MYLK: variants seen among roughly 807,000 people sequenced by gnomAD.
MYLK encodes myosin light chain kinase.
MYLK carries 106 observed loss-of-function variants against 203.4 expected under a neutral mutation model. The observed-to-expected ratio is 0.52, with a 90% confidence interval of 0.45 to 0.61. MYLK has a LOEUF of 0.61. Among genes scored for constraint, MYLK ranks in the 20% least tolerant of loss-of-function variants. The pLI is 0.00. For synonymous variants in MYLK, 867 were observed against 959.5 expected, an observed-to-expected ratio of 0.90 and a Z score of 1.78; for missense variants, 2,072 against 2,442.3, an observed-to-expected ratio of 0.85 and a Z score of 3.20.
chr3:123,785,318 CCAGCTGTT>C (rs2064470726), intron 4 of MYLK, among the ~76,000 whole-genome samples: 1 of 152,216 alleles, frequency 6.6e-6, no homozygotes, highest in Admixed American at 6.5e-5. Context: ...AAAGTGACCA[CCAGCTGTT>C]GACTATGGTA....
At chr3:123,826,434 C>T (rs1357274580) in intron 3 of MYLK, among the ~76,000 whole-genome samples, 2 of 152,232 alleles carry the variant, frequency 1.3e-5, no homozygotes, top group Non-Finnish European at 2.9e-5. Context: ...ACATGCCCCC[C>T]AGCCAAGCAG....
intron 11 of MYLK, among the ~76,000 whole-genome samples, chr3:123,731,780 T>TCA (rs1553820949): frequency 1.1e-4 from 2 of 17,962 alleles, no homozygotes; most frequent in Admixed American, 1.8e-3. Context: ...ACAGATGAAC[T>TCA]TATAAAAAAA....
rs893899992 is a variant in MYLK at position 123,701,435 on chromosome 3, C to T, written c.2462+3G>A. On this transcript the variant is annotated splice_donor_region_variant and intron_variant, in intron 17 of 33. Transcript: ENST00000360304. ...TGGAGGGGCAGCTCCTGGGGGCACTCACCGTGGAAGGGCTCTGGCAGAGCT... is the reference window on the plus strand; with the variant it reads ...TGGAGGGGCAGCTCCTGGGGGCACTTACCGTGGAAGGGCTCTGGCAGAGCT... The T allele has an allele frequency of 6.2e-6, 10 of 1,613,884 alleles. No homozygotes were observed. Among genetic ancestry groups the T allele is most frequent in the African/African-American group, 1.3e-5 (1 of 74,906 alleles).
In MYLK at chr3:123,620,238, G is replaced by A. The variant is rs779324323; in HGVS notation, c.5337C>T (p.Ser1779=). Residue 1779 remains serine, a synonymous_variant, in exon 32 of 34, where the codon AGC becomes AGT. Transcript: ENST00000360304. ...GRKSSTGSPT[S]PLNAEKLESE... is the part of the protein sequence containing the mutation. Reference sequence around the variant, plus strand: ...ATTCTAGTTTTTCTGCATTGAGCGGGCTGGTTGGTGACCCTGTTGAGGATT... The same window carrying A: ...ATTCTAGTTTTTCTGCATTGAGCGGACTGGTTGGTGACCCTGTTGAGGATT... The A allele has an allele frequency of 6.2e-7, 1 of 1,614,130 alleles. No homozygotes were observed. The highest frequency in any genetic ancestry group is 2.2e-5 in the East Asian group (1 of 44,884).
intron 5 of MYLK, among the ~76,000 whole-genome samples, chr3:123,747,302 G>A (rs1050448692): frequency 6.6e-6 from 1 of 152,154 alleles, no homozygotes; most frequent in Admixed American, 6.5e-5. Flanking sequence ...GTGACCTGCT[G>A]GCTGGCCCTC....
At chr3:123,754,420 T>C (rs2063300075) in intron 4 of MYLK, among the ~76,000 whole-genome samples, 1 of 152,190 alleles carries the variant, frequency 6.6e-6, no homozygotes, top group South Asian at 2.1e-4. Context: ...GAAACAAAAA[T>C]ATATCCCTTT....
chr3:123,715,910 T>A (rs1169458169), intron 13 of MYLK: 8 of 152,258 alleles, frequency 5.3e-5, no homozygotes, highest in Non-Finnish European at 1.5e-5. Flanking sequence ...TGGATCCAAA[T>A]TTGCATTCAA....
At chr3:123,776,679 T>A (rs1489213775) in intron 4 of MYLK, among the ~76,000 whole-genome samples, 2 of 152,362 alleles carry the variant, frequency 1.3e-5, no homozygotes, top group East Asian at 3.9e-4. Context: ...ATAATTTTAG[T>A]TATGACTAAA....
chr3:123,733,731 C>G lies in MYLK; in HGVS notation c.1265G>C (p.Ser422Thr). 6.2e-7 allele frequency: 1 copy of G among 1,614,200 alleles called. No homozygotes were observed. The highest frequency in any genetic ancestry group is 8.5e-7 in the Non-Finnish European group (1 of 1,180,046). The change falls in exon 10 of 34, where the codon AGC becomes ACC. Residue 422 changes from serine to threonine, a missense_variant. Physicochemically the swap from Ser to Thr is moderately conservative, Grantham distance 58. Transcript: ENST00000360304. ...AFPKFESKPQSQEVKENQTVK... is the reference protein window; with the variant it reads ...AFPKFESKPQTQEVKENQTVK... ...AGTTTGATTTTCCTTGACCTCCTGG[C>G]TTTGGGGCTTGCTCTCAAATTTGGG...
chr3:123,849,990 G>A (rs914493789), intron 2 of MYLK, among the ~76,000 whole-genome samples: 1 of 152,100 alleles, frequency 6.6e-6, no homozygotes, highest in Non-Finnish European at 1.5e-5. Context: ...GAGAATATGC[G>A]GTGTTTGGTT....
chr3:123,615,239 ATAAAAAT>A (rs1249219833), intron 33 of MYLK, among the ~76,000 whole-genome samples: 1 of 152,088 alleles, frequency 6.6e-6, no homozygotes, highest in African/African-American at 2.4e-5. Context: ...TGGCAAAAAA[ATAAAAAT>A]TAAAAATAGA....
At chr3:123,714,876 A>G (rs1374650477) in intron 13 of MYLK, among the ~76,000 whole-genome samples, 1 of 152,264 alleles carries the variant, frequency 6.6e-6, no homozygotes, top group East Asian at 1.9e-4. Context: ...AAAGACAAGC[A>G]CAATGACTAA....
intron 5 of MYLK, 101 bp from the exon 6 acceptor site, chr3:123,740,102 T>C: frequency 8.7e-7 from 1 of 1,150,414 alleles, no homozygotes; most frequent in Non-Finnish European, 1.3e-6. Flanking sequence ...GTGATGGTGA[T>C]CATTAATCTT....
chr3:123,803,759 A>T (rs1577025337), intron 3 of MYLK, among the ~76,000 whole-genome samples: 1 of 152,184 alleles, frequency 6.6e-6, no homozygotes, highest in Admixed American at 6.5e-5. Flanking sequence ...AGGCAGGCAC[A>T]CCTGGTCCTC....
chr3:123,734,494 G>T (rs2062606859), intron 9 of MYLK: 3 of 373,658 alleles, frequency 8.0e-6, no homozygotes, highest in South Asian at 9.1e-5. Context: ...TGCCTCCGTA[G>T]TTCAACCTCT....
chr3:123,709,711 G>A, intron 14 of MYLK, 45 bp downstream of exon 14: 1 of 1,611,558 alleles, frequency 6.2e-7, no homozygotes, highest in Non-Finnish European at 8.5e-7. Flanking sequence ...TTGCAACCAA[G>A]ACCATTTTCA....
chr3:123,753,864 T>A (rs1208298439), intron 4 of MYLK, among the ~76,000 whole-genome samples: 2 of 152,212 alleles, frequency 1.3e-5, no homozygotes, highest in East Asian at 1.9e-4. Flanking sequence ...TTTATCCATG[T>A]ATTCACTTCA....
At chr3:123,664,672 G>A (rs1209788736) in intron 22 of MYLK, among the ~76,000 whole-genome samples, 1 of 152,126 alleles carries the variant, frequency 6.6e-6, no homozygotes, top group Non-Finnish European at 1.5e-5. Context: ...GTCACATGTG[G>A]CTATTTAAAT....
At chr3:123,816,631 GA>G (rs1369133912) in intron 3 of MYLK, among the ~76,000 whole-genome samples, 3 of 151,840 alleles carry the variant, frequency 2.0e-5, no homozygotes, top group Non-Finnish European at 2.9e-5. Context: ...AAAAGAGAGG[GA>G]AAAAAAACTA....
Sources: allele counts gnomAD v4.1 joint callset (sites outside exome capture counted in the v4.1 genomes callset), GRCh38; gene constraint gnomAD v4.1.1; transcripts MANE v1.5; gene names NCBI Gene and HGNC (gene_info 2026-07-23, HGNC 2026-07-21).